SNTG1: variants seen among roughly 807,000 people sequenced by gnomAD.
SNTG1 encodes the protein syntrophin gamma 1, also known as gamma-1-syntrophin.
Under a neutral mutation model 74.7 loss-of-function variants are expected in SNTG1, and 39 were observed. The observed-to-expected ratio is 0.52, with a 90% confidence interval of 0.40 to 0.68. SNTG1 has a LOEUF of 0.68. Ranked by LOEUF, SNTG1 falls within the 30% of genes least tolerant of loss-of-function variation. The pLI, the probability that SNTG1 is intolerant of heterozygous loss-of-function variation, is 0.00. For synonymous variants in SNTG1, 254 were observed against 217.1 expected (o/e 1.17, Z -1.49); for missense variants, 685 against 609.5 (o/e 1.12, Z -1.30).
chr8:50,742,576 T>C (rs960177034), intron 17 of SNTG1, among the ~76,000 whole-genome samples: 1 of 151,342 alleles, frequency 6.6e-6, no homozygotes, highest in Non-Finnish European at 1.5e-5. Flanking sequence ...CAAAAACTCA[T>C]CTAAAAATAA....
intron 9 of SNTG1, among the ~76,000 whole-genome samples, chr8:50,524,346 C>T (rs759131787): frequency 4.6e-5 from 7 of 152,072 alleles, no homozygotes; most frequent in Non-Finnish European, 1.0e-4. Flanking sequence ...TATTAATTCC[C>T]TTTTACCTAT....
Position 50,713,830 on chromosome 8 carries a change from C to A in SNTG1, c.1284+4852C>A, listed in dbSNP as rs541027066. On this transcript the variant is annotated intron_variant, in intron 17 of 18. Transcript: ENST00000642720. ...ATTCCAGCACTTTGGAAGGCCAGGG[C>A]GGGCGGAACATGAGGTCAAGAGTTT... is the stretch of plus-strand genomic sequence containing the variant. Among the ~76,000 whole-genome samples the A allele has an allele frequency of 4.0e-5, 6 of 151,854 alleles. No individual in the cohort carries two copies. In the East Asian group the frequency reaches 1.2e-3, roughly 29 times the overall value.
chr8:50,590,285 A>C (rs1404753508), intron 12 of SNTG1, among the ~76,000 whole-genome samples: 1 of 152,164 alleles, frequency 6.6e-6, no homozygotes, highest in Non-Finnish European at 1.5e-5. Context: ...TCCTTTATCC[A>C]AGCCTAATGT....
At chr8:50,442,895 C>T (rs1201586000) in intron 5 of SNTG1, among the ~76,000 whole-genome samples, 1 of 152,118 alleles carries the variant, frequency 6.6e-6, no homozygotes, top group East Asian at 1.9e-4. Flanking sequence ...TGCACATGGC[C>T]TCGGGCCTGG....
chr8:50,760,640 GA>G (rs1045912292), intron 18 of SNTG1, among the ~76,000 whole-genome samples: 207 of 151,808 alleles, frequency 1.4e-3, no homozygotes, highest in African/African-American at 4.5e-3. Flanking sequence ...GACTAATAAA[GA>G]AGTAAAGAGA....
chr8:50,316,502 T>C (rs1166080018), intron 2 of SNTG1, among the ~76,000 whole-genome samples: 3 of 152,210 alleles, frequency 2.0e-5, no homozygotes, highest in Non-Finnish European at 4.4e-5. Context: ...ATGTGGCTTT[T>C]TGTTTGGTCA....
At chr8:50,114,865 A>G (rs544831250) in intron 1 of SNTG1, among the ~76,000 whole-genome samples, 1 of 152,204 alleles carries the variant, frequency 6.6e-6, no homozygotes, top group African/African-American at 2.4e-5. Context: ...CTCCATCTCT[A>G]AAAAAGAAAA....
chr8:50,315,260 T>C (rs1411646064), intron 2 of SNTG1, among the ~76,000 whole-genome samples: 1 of 149,614 alleles, frequency 6.7e-6, no homozygotes, highest in African/African-American at 2.5e-5. Context: ...TTATTTCCCA[T>C]ATGTTGGCTA....
chr8:50,130,715 C>A (rs2081289519), intron 1 of SNTG1, among the ~76,000 whole-genome samples: 2 of 152,050 alleles, frequency 1.3e-5, no homozygotes, highest in African/African-American at 4.8e-5. Flanking sequence ...GATAAAGGAT[C>A]TTGCAAGGGA....
At chr8:50,499,214 A>C (rs1436191967) in intron 8 of SNTG1, among the ~76,000 whole-genome samples, 2 of 151,924 alleles carry the variant, frequency 1.3e-5, no homozygotes, top group Non-Finnish European at 2.9e-5. Flanking sequence ...ATATATTTAA[A>C]TGTTTAAAAA....
At chr8:50,636,318 T>A (rs536995890) in intron 13 of SNTG1, among the ~76,000 whole-genome samples, 53 of 151,952 alleles carry the variant, frequency 3.5e-4, no homozygotes, top group African/African-American at 1.2e-3. Flanking sequence ...TGCCCTCAAA[T>A]CCACTGGCTT....
At position 50,119,264 on chromosome 8, in the gene SNTG1, G is replaced by A. The variant is rs2080922131; in HGVS notation, c.-102-53297G>A. Among the ~76,000 whole-genome samples, 3 of 140,702 alleles carry A rather than the reference G, an allele frequency of 2.1e-5. 1 individual carries two copies. Among genetic ancestry groups the A allele is most frequent in the African/African-American group, 7.7e-5 (3 of 38,762 alleles). 92.3% of individuals were successfully genotyped at this position (140,702 alleles called of 152,430 possible). ...CTGATCACTGCCACCACAGAGAGAA[G>A]GCTAATTCTCTTTTCAGTGGCCATT... On this transcript the variant is annotated intron_variant, in intron 1 of 18. Transcript: ENST00000642720.
intron 15 of SNTG1, among the ~76,000 whole-genome samples, chr8:50,697,133 C>A (rs2095408040): frequency 6.6e-6 from 1 of 151,864 alleles, no homozygotes; most frequent in Non-Finnish European, 1.5e-5. Context: ...CAGTGTTTTG[C>A]AGTTTTTCTG....
intron 18 of SNTG1, among the ~76,000 whole-genome samples, chr8:50,759,808 G>T (rs1044052580): frequency 6.6e-6 from 1 of 152,058 alleles, no homozygotes; most frequent in Admixed American, 6.6e-5. Context: ...TTTTTGCTTA[G>T]GATTGTCCTG....
chr8:50,536,614 T>G, intron 10 of SNTG1, 64 bp from the exon 11 acceptor site: 19 of 1,572,676 alleles, frequency 1.2e-5, no homozygotes, highest in Non-Finnish European at 1.3e-5. Flanking sequence ...TAAAAGGGGT[T>G]TGAGATACAG....
intron 2 of SNTG1, among the ~76,000 whole-genome samples, chr8:50,313,892 G>A (rs1463735219): frequency 2.0e-5 from 3 of 149,870 alleles, no homozygotes; most frequent in Non-Finnish European, 1.5e-5. Context: ...AAATACTTCA[G>A]TGTGCATATC....
chr8:50,141,102 T>C (rs1433741554), intron 1 of SNTG1, among the ~76,000 whole-genome samples: 1 of 152,216 alleles, frequency 6.6e-6, no homozygotes, highest in African/African-American at 2.4e-5. Context: ...GAAAGATACA[T>C]GGAGTCTCCA....
chr8:50,629,288 T>C (rs2094979299), intron 13 of SNTG1, among the ~76,000 whole-genome samples: 1 of 152,150 alleles, frequency 6.6e-6, no homozygotes, highest in Non-Finnish European at 1.5e-5. Context: ...TTTATTGCAA[T>C]ATTTTCTGTT....
At chr8:50,301,207 T>C (rs1000987036) in intron 2 of SNTG1, among the ~76,000 whole-genome samples, 1 of 152,134 alleles carries the variant, frequency 6.6e-6, no homozygotes, top group African/African-American at 2.4e-5. Context: ...CACATTACAC[T>C]CATGTCATTA....
Sources: allele counts gnomAD v4.1 joint callset (sites outside exome capture counted in the v4.1 genomes callset), GRCh38; gene constraint gnomAD v4.1.1; transcripts MANE v1.5; gene names NCBI Gene and HGNC (gene_info 2026-07-23, HGNC 2026-07-21).